Variants in PLB1 observed in about 807,000 individuals in gnomAD.
PLB1 encodes phospholipase B1, membrane-associated.
PLB1 carries 242 observed loss-of-function variants against 227.4 expected under a neutral mutation model. The observed-to-expected ratio is 1.06, with a 90% confidence interval of 0.96 to 1.18. The LOEUF (loss-of-function observed/expected upper bound fraction) is 1.18. PLB1 is among the 50% of genes most tolerant of loss of function. PLB1 has a pLI of 0.00. For missense variants in PLB1, 1,858 were observed against 1,816.3 expected, an observed-to-expected ratio of 1.02 and a Z score of -0.42; for synonymous variants, 757 against 682.2, an observed-to-expected ratio of 1.11 and a Z score of -1.71.
intron 18 of PLB1, among the ~76,000 whole-genome samples, chr2:28,564,456 G>T (rs1676546094): frequency 6.6e-6 from 1 of 152,200 alleles, no homozygotes; most frequent in South Asian, 2.1e-4. Context: ...TGGCAGGCTG[G>T]GCCTTAGCAG....
intron 57 of PLB1, among the ~76,000 whole-genome samples, 173 bp from the exon 58 acceptor site, chr2:28,642,685 C>T (rs573462385): frequency 6.6e-6 from 1 of 152,134 alleles, no homozygotes; most frequent in Non-Finnish European, 1.5e-5. Flanking sequence ...GAGGCCCATC[C>T]CGCTAAAGAG....
chr2:28,617,324 T>G, intron 44 of PLB1, among the ~76,000 whole-genome samples: 1 of 152,356 alleles, frequency 6.6e-6, no homozygotes. Context: ...AGCTTAATTT[T>G]ATAAAACACA....
At chr2:28,542,002 G>A (rs1672564096) in intron 13 of PLB1, among the ~76,000 whole-genome samples, 191 bp downstream of exon 13, 1 of 152,174 alleles carries the variant, frequency 6.6e-6, no homozygotes, top group South Asian at 2.1e-4. Context: ...GCATGATGGT[G>A]GGCGCCTGTA....
intron 3 of PLB1, 112 bp downstream of exon 3, chr2:28,518,644 C>G: frequency 2.8e-6 from 2 of 720,554 alleles, no homozygotes; most frequent in Non-Finnish European, 4.9e-6. Flanking sequence ...AAGTCCTCCT[C>G]TTCCTTATCC....
In PLB1 at chr2:28,605,954, A is replaced by G. The variant is rs1408814456; in HGVS notation, c.3057+6A>G. On this transcript the variant is annotated splice_donor_region_variant and intron_variant, in intron 42 of 57. Transcript: ENST00000327757. Reference sequence around the variant, plus strand: ...GAGCCCTTTGGACCAATATGGTAAAATAAGTGGGGTGTTCCTTGTTCTCTG... The same window carrying G: ...GAGCCCTTTGGACCAATATGGTAAAGTAAGTGGGGTGTTCCTTGTTCTCTG... 6.3e-7 allele frequency: 1 copy of G among 1,592,726 alleles called. No individual in the cohort carries two copies. Among genetic ancestry groups the G allele is most frequent in the South Asian group, 1.1e-5 (1 of 90,622 alleles).
intron 9 of PLB1, among the ~76,000 whole-genome samples, chr2:28,537,077 A>G (rs1165724647): frequency 6.6e-6 from 1 of 152,194 alleles, no homozygotes; most frequent in East Asian, 1.9e-4. Flanking sequence ...CTCACTTAGG[A>G]GAAAACTAGA....
intron 14 of PLB1, among the ~76,000 whole-genome samples, chr2:28,547,053 T>G (rs1238133971): frequency 6.6e-6 from 1 of 151,926 alleles, no homozygotes; most frequent in African/African-American, 2.4e-5. Context: ...TACAAGAAAT[T>G]AGCTGGGTAT....
rs537883017 is a variant in PLB1, at chr2:28,512,782, A to C, written c.56-4026A>C. Among the ~76,000 whole-genome samples, 6 of 151,962 alleles carry C rather than the reference A, an allele frequency of 3.9e-5. No homozygotes were observed. In the East Asian group the frequency reaches 9.7e-4, roughly 24 times the overall value. On this transcript the variant is annotated intron_variant, in intron 1 of 57. Transcript: ENST00000327757. ...AATGATTTGCACAGAGGTTGTGCTCAAACACCTTGAGACCATAATGTTCTG... is the reference window on the plus strand; with the variant it reads ...AATGATTTGCACAGAGGTTGTGCTCCAACACCTTGAGACCATAATGTTCTG...
At chr2:28,553,745 T>A (rs888571671) in intron 17 of PLB1, among the ~76,000 whole-genome samples, 1 of 152,202 alleles carries the variant, frequency 6.6e-6, no homozygotes, top group African/African-American at 2.4e-5. Flanking sequence ...ATTTACTCAT[T>A]TGTGTGTTAG....
chr2:28,603,849 C>A, intron 39 of PLB1, 117 bp from the exon 40 acceptor site: 1 of 904,108 alleles, frequency 1.1e-6, no homozygotes. Flanking sequence ...GGCTTGAGTG[C>A]TCCTAAACCA....
chr2:28,608,392 GAGGCAAC>G (rs552031102), intron 43 of PLB1, among the ~76,000 whole-genome samples: 58 of 152,316 alleles, frequency 3.8e-4, no homozygotes, highest in Admixed American at 5.9e-4. Flanking sequence ...TCTAAACATA[GAGGCAAC>G]AGGCAACAGG....
intron 56 of PLB1, 56 bp from the exon 57 acceptor site, chr2:28,640,871 G>A: frequency 6.5e-7 from 1 of 1,535,496 alleles, no homozygotes; most frequent in Non-Finnish European, 8.9e-7. Flanking sequence ...CCCCCTCAGA[G>A]AGGAAAGTGT....
chr2:28,557,795 A>G (rs1350033473), intron 17 of PLB1, among the ~76,000 whole-genome samples: 1 of 152,198 alleles, frequency 6.6e-6, no homozygotes, highest in African/African-American at 2.4e-5. Flanking sequence ...TTCCAGGGAG[A>G]GCAACTGCTA....
rs1681937323 is a variant in PLB1, at chr2:28,591,549, AG to A, written c.2128-148del. On this transcript the variant is annotated intron_variant, in intron 30 of 57. Coordinates refer to ENST00000327757, the MANE Select transcript of PLB1 (RefSeq NM_153021.5). ...CTGTGGCCGCTACGCAAAATCACCT[AG>A]GGAGCCTTCTTCAAAGGCCCTTTTG... The A allele has an allele frequency of 4.2e-6, 3 of 722,146 alleles. No individual in the cohort carries two copies. The Admixed American group carries it at 8.1e-5, about 20-fold the overall frequency. 44.7% of individuals were successfully genotyped at this position (722,146 alleles called of 1,614,324 possible). A position where few individuals can be genotyped will look rare whatever the true frequency, so the allele number is the denominator to read the frequency against.
Position 28,573,284 on chromosome 2 carries a change from C to A in PLB1, c.1412C>A (p.Ala471Asp), listed in dbSNP as rs1678327480. Residue 471 changes from alanine (A) to aspartate (D), a missense_variant, in exon 21 of 58, where the codon GCT becomes GAT. Transcript: ENST00000327757. The part of the protein sequence containing the change: ...ETSPNAFLNQ[A>D]VAGGRAEDLP... ...AGTCCTAATGCCTTCTTAAACCAGG[C>A]TGTGGCAGGAGGCCGAGCTGAGTAA... The A allele has an allele frequency of 3.7e-6, 6 of 1,613,718 alleles. No homozygotes were observed. Among genetic ancestry groups the A allele is most frequent in the Non-Finnish European group, 4.2e-6 (5 of 1,179,904 alleles).
At chr2:28,564,233 C>T (rs1676502744) in intron 18 of PLB1, among the ~76,000 whole-genome samples, 1 of 152,194 alleles carries the variant, frequency 6.6e-6, no homozygotes, top group Non-Finnish European at 1.5e-5. Context: ...CAGAGCAAGG[C>T]CCTGTCTCTA....
At position 28,541,705 on chromosome 2, in the gene PLB1, A is replaced by G. The variant is rs200951919; in HGVS notation, c.775-2A>G. On this transcript the variant is annotated splice_acceptor_variant, in intron 12 of 57. Coordinates refer to ENST00000327757, the MANE Select transcript of PLB1 (RefSeq NM_153021.5). LOFTEE classifies it high-confidence loss of function. Reference sequence around the variant, plus strand: ...TGGGCACCTCTCTGCTCCCTTCTCCAGGAAGCCTGGAACAGCCTCCTGGCC... The same window carrying G: ...TGGGCACCTCTCTGCTCCCTTCTCCGGGAAGCCTGGAACAGCCTCCTGGCC... 11 of 1,613,292 alleles carry G rather than the reference A, an allele frequency of 6.8e-6. No homozygotes were observed. The highest frequency in any genetic ancestry group is 2.2e-5 in the East Asian group (1 of 44,864).
At chr2:28,516,612 G>C (rs928092800) in intron 1 of PLB1, among the ~76,000 whole-genome samples, 196 bp from the exon 2 acceptor site, 37 of 152,122 alleles carry the variant, frequency 2.4e-4, no homozygotes, top group African/African-American at 8.7e-4. Context: ...TGCCCTAATG[G>C]GTTGTGTTAA....
At chr2:28,591,275 T>C in intron 30 of PLB1, 104 bp downstream of exon 30, 1 of 1,442,602 alleles carries the variant, frequency 6.9e-7, no homozygotes, top group Admixed American at 1.7e-5. Context: ...GCAAGAGTTC[T>C]AGATGGGCAT....
Sources: allele counts gnomAD v4.1 joint callset (sites outside exome capture counted in the v4.1 genomes callset), GRCh38; gene constraint gnomAD v4.1.1; transcripts MANE v1.5; gene names NCBI Gene and HGNC (gene_info 2026-07-23, HGNC 2026-07-21).